CORO2A: variants seen among roughly 807,000 people sequenced by gnomAD.
CORO2A encodes coronin-2A.
Under a neutral mutation model 62.4 loss-of-function variants are expected in CORO2A, and 47 were observed. That is an observed-to-expected ratio of 0.75 (90% CI 0.60 to 0.96). CORO2A has a LOEUF of 0.96. Ranked by LOEUF, CORO2A falls within the 40% of genes least tolerant of loss-of-function variation. CORO2A has a pLI of 0.00. For synonymous variants in CORO2A, 273 were observed against 268.9 expected (o/e 1.02, Z -0.15); for missense variants, 610 against 684.1 (o/e 0.89, Z 1.21).
Position 98,133,049 on chromosome 9 carries a change from T to C in CORO2A, c.637A>G (p.Thr213Ala). Residue 213 changes from threonine (T) to alanine (A), a missense_variant, in exon 5 of 12, where the codon ACC (threonine) becomes GCC (alanine). Thr to Ala is a moderately conservative substitution (Grantham distance 58). Coordinates refer to ENST00000375077, the MANE Select transcript of CORO2A (RefSeq NM_052820.4). ...KIRVIDPRAG[T>A]VLQEASYKGH... ...GGCCCAGAACTGACCTGGAGGACGG[T>C]CCCTGCTCGGGGGTCAATAACCCGA... 6.2e-7 allele frequency: 1 copy of C among 1,614,182 alleles called. No homozygotes were observed. Among genetic ancestry groups the C allele is most frequent in the African/African-American group, 1.3e-5 (1 of 75,062 alleles).
chr9:98,137,060 A>G (rs1371501709), intron 3 of CORO2A, among the ~76,000 whole-genome samples: 3 of 152,150 alleles, frequency 2.0e-5, no homozygotes, highest in African/African-American at 7.2e-5. Context: ...TAAATAAGTA[A>G]CACTGAACAT....
Position 98,163,046 on chromosome 9 carries a change from C to T in CORO2A, c.1-5386G>A, listed in dbSNP as rs189547795. ...CTGGGACAGCCTGCTGGGCACAAGG[C>T]GGGAGGTGGCATCCATTCTGCTGCT... On this transcript the variant is annotated intron_variant, in intron 1 of 11. Coordinates refer to ENST00000375077, the MANE Select transcript of CORO2A (RefSeq NM_052820.4). Among the ~76,000 whole-genome samples, 8 of 152,334 alleles carry T rather than the reference C, an allele frequency of 5.3e-5. No homozygotes were observed. In the East Asian group the frequency reaches 9.7e-4, roughly 18 times the overall value.
intron 4 of CORO2A, 24 bp downstream of exon 4, chr9:98,134,782 C>CAG: frequency 6.3e-7 from 1 of 1,584,824 alleles, no homozygotes; most frequent in Non-Finnish European, 8.6e-7. Flanking sequence ...GGGGCTGCCC[C>CAG]AGAGAAAGAA....
chr9:98,175,244 G>A (rs959959284), intron 1 of CORO2A, among the ~76,000 whole-genome samples: 1 of 152,026 alleles, frequency 6.6e-6, no homozygotes, highest in African/African-American at 2.4e-5. Context: ...GCTCGGTAGG[G>A]TGGGGAGGCC....
intron 2 of CORO2A, among the ~76,000 whole-genome samples, chr9:98,146,468 C>G (rs1235745228): frequency 2.0e-5 from 3 of 152,232 alleles, no homozygotes; most frequent in Admixed American, 1.3e-4. Context: ...CCTGGGGCAG[C>G]CCGGCCCCTC....
rs1471302604 is a variant in CORO2A at position 98,126,512 on chromosome 9, G to GC, written c.1446+36dup. 5 of 1,594,956 alleles carry GC rather than the reference G, an allele frequency of 3.1e-6. No individual in the cohort carries two copies. In the African/African-American group the frequency reaches 6.7e-5, roughly 21 times the overall value. On this transcript the variant is annotated intron_variant, in intron 11 of 11. Transcript: ENST00000375077. ...GGATCTGTTCCCCTCCACCCCAGCT[G>GC]CCCCATGTGAAAGGCCCACCCCGTC...
At position 98,132,240 on chromosome 9, in the gene CORO2A, A is replaced by G. The variant is rs1171866518; in HGVS notation, c.710T>C (p.Leu237Pro). The change falls in exon 6 of 12, where the codon CTG becomes CCG. Residue 237 changes from leucine (L) to proline (P), a missense_variant. Transcript: ENST00000375077. The part of the protein sequence containing the change: ...KVLFLGNLKK[L>P]MSTGTSRWNN... ...CCATCGGGATGTGCCTGTGGACATC[A>G]GCTTCTTCAGGTTCCCCAGAAACAG... The G allele has an allele frequency of 1.9e-6, 3 of 1,614,184 alleles. No homozygotes were observed. The highest frequency in any genetic ancestry group is 2.5e-6 in the Non-Finnish European group (3 of 1,180,032).
chr9:98,189,429 A>C (rs1048701205), intron 1 of CORO2A, among the ~76,000 whole-genome samples: 1 of 152,226 alleles, frequency 6.6e-6, no homozygotes, highest in Non-Finnish European at 1.5e-5. Context: ...AAAACGATCC[A>C]GCTTCTGGCC....
At chr9:98,125,288 G>A (rs1000191362) in intron 11 of CORO2A, among the ~76,000 whole-genome samples, 4 of 152,170 alleles carry the variant, frequency 2.6e-5, no homozygotes, top group African/African-American at 9.7e-5. Flanking sequence ...TGCCCTCTGT[G>A]CAGAATGGGT....
chr9:98,179,381 G>C (rs115020888), intron 1 of CORO2A, among the ~76,000 whole-genome samples: 10 of 152,242 alleles, frequency 6.6e-5, no homozygotes, highest in African/African-American at 2.4e-4. Flanking sequence ...ATGGGTCCTG[G>C]GTCTCATGAA....
chr9:98,129,171 G>C (rs2118798191), intron 8 of CORO2A, among the ~76,000 whole-genome samples: 1 of 152,280 alleles, frequency 6.6e-6, no homozygotes, highest in African/African-American at 2.4e-5. Context: ...TGATCCTCCA[G>C]CTTTGGCCTC....
At chr9:98,177,442 T>C (rs910225024) in intron 1 of CORO2A, among the ~76,000 whole-genome samples, 2 of 143,770 alleles carry the variant, frequency 1.4e-5, no homozygotes. Context: ...GTTAGAGCAA[T>C]GGGCTCCAAA....
intron 2 of CORO2A, among the ~76,000 whole-genome samples, chr9:98,139,222 A>C (rs1827534197): frequency 6.6e-6 from 1 of 152,082 alleles, no homozygotes; most frequent in Non-Finnish European, 1.5e-5. Context: ...GTGACAGTTT[A>C]TTCACAGTAT....
chr9:98,170,148 C>G (rs1268392884), intron 1 of CORO2A, among the ~76,000 whole-genome samples: 1 of 152,218 alleles, frequency 6.6e-6, no homozygotes, highest in Non-Finnish European at 1.5e-5. Context: ...AGGAGCTCAG[C>G]CCATGGAAGC....
At chr9:98,187,153 G>C (rs921045473) in intron 1 of CORO2A, among the ~76,000 whole-genome samples, 1 of 151,898 alleles carries the variant, frequency 6.6e-6, no homozygotes, top group Non-Finnish European at 1.5e-5. Flanking sequence ...CGTGGTGGTG[G>C]GCGCCTGTAG....
chr9:98,157,245 A>G (rs913201952), intron 2 of CORO2A: 8 of 530,730 alleles, frequency 1.5e-5, no homozygotes, highest in African/African-American at 1.2e-4. Flanking sequence ...GAGAGGTGCT[A>G]CGAGTAGCTA....
chr9:98,171,168 C>T (rs1382812129), intron 1 of CORO2A, among the ~76,000 whole-genome samples: 2 of 152,238 alleles, frequency 1.3e-5, no homozygotes, highest in Non-Finnish European at 2.9e-5. Flanking sequence ...TGTCCGCTTT[C>T]TGGCACAGAG....
At chr9:98,159,579 C>T (rs1228418201) in intron 1 of CORO2A, among the ~76,000 whole-genome samples, 1 of 151,554 alleles carries the variant, frequency 6.6e-6, no homozygotes, top group African/African-American at 2.4e-5. Flanking sequence ...ATTCCCATGC[C>T]CCCACCTCCT....
chr9:98,157,411 T>C, intron 2 of CORO2A, 49 bp downstream of exon 2: 1 of 1,573,096 alleles, frequency 6.4e-7, no homozygotes, highest in Non-Finnish European at 8.7e-7. Context: ...ACTTTCCCTC[T>C]GTCCTGCCCT....
Sources: allele counts gnomAD v4.1 joint callset (sites outside exome capture counted in the v4.1 genomes callset), GRCh38; gene constraint gnomAD v4.1.1; transcripts MANE v1.5; gene names NCBI Gene and HGNC (gene_info 2026-07-23, HGNC 2026-07-21).